The following ITPR2 variants were observed in gnomAD, a reference collection of about 807,000 sequenced individuals.
The protein encoded by ITPR2 is inositol 1,4,5-trisphosphate-gated calcium channel ITPR2.
Under a neutral mutation model 317.1 loss-of-function variants are expected in ITPR2, and 207 were observed. The observed-to-expected ratio is 0.65, with a 90% CI of 0.58 to 0.73. ITPR2 has a LOEUF of 0.73. Among genes scored for constraint, ITPR2 ranks in the 30% least tolerant of loss-of-function variants. The pLI is 0.00. For synonymous variants in ITPR2, 1,156 were observed against 1,149.1 expected (o/e 1.01, Z -0.12); for missense variants, 2,613 against 3,284.0 (o/e 0.80, Z 4.99).
intron 1 of ITPR2, among the ~76,000 whole-genome samples, chr12:26,805,014 C>T (rs1163616046): frequency 1.3e-5 from 2 of 152,142 alleles, no homozygotes; most frequent in African/African-American, 4.8e-5. Flanking sequence ...GGAATGCAGG[C>T]GTGAACCACC....
chr12:26,752,490 C>T (rs1306154203), intron 2 of ITPR2, among the ~76,000 whole-genome samples: 1 of 152,330 alleles, frequency 6.6e-6, no homozygotes, highest in Non-Finnish European at 1.5e-5. Context: ...CACTGCTATA[C>T]TTCCACCAGT....
At chr12:26,554,490 C>T (rs1011880889) in intron 36 of ITPR2, among the ~76,000 whole-genome samples, 2 of 152,180 alleles carry the variant, frequency 1.3e-5, no homozygotes, top group African/African-American at 4.8e-5. Flanking sequence ...CTAACTGATT[C>T]TGCCACAGTG....
intron 51 of ITPR2, among the ~76,000 whole-genome samples, chr12:26,413,873 C>G (rs1224537191): frequency 6.6e-6 from 1 of 152,068 alleles, no homozygotes; most frequent in Non-Finnish European, 1.5e-5. Flanking sequence ...TTAAATAGCA[C>G]AAAATATTTA....
At chr12:26,352,184 G>A (rs1338140093) in intron 55 of ITPR2, among the ~76,000 whole-genome samples, 1 of 152,224 alleles carries the variant, frequency 6.6e-6, no homozygotes, top group Non-Finnish European at 1.5e-5. Context: ...TCAGTCATAT[G>A]ACCAAAGGGC....
intron 10 of ITPR2, among the ~76,000 whole-genome samples, chr12:26,690,706 C>T (rs1948222885): frequency 6.6e-6 from 1 of 152,172 alleles, no homozygotes; most frequent in Non-Finnish European, 1.5e-5. Flanking sequence ...TAATGTCTCC[C>T]TGTAAAGGCC....
chr12:26,487,303 G>A (rs1322539110), intron 39 of ITPR2, 52 bp from the exon 40 acceptor site: 1 of 1,342,126 alleles, frequency 7.5e-7, no homozygotes, highest in African/African-American at 1.5e-5. Flanking sequence ...GACAAATGGT[G>A]TTTTTATGCT....
At chr12:26,503,486 C>A (rs1163333685) in intron 37 of ITPR2, among the ~76,000 whole-genome samples, 2 of 152,156 alleles carry the variant, frequency 1.3e-5, no homozygotes, top group African/African-American at 4.8e-5. Flanking sequence ...GAGATAATAT[C>A]TATACACACT....
chr12:26,459,987 C>T (rs2136780434), intron 45 of ITPR2, among the ~76,000 whole-genome samples: 1 of 152,346 alleles, frequency 6.6e-6, no homozygotes, highest in South Asian at 2.1e-4. Context: ...CATCTGCCAA[C>T]TAGCCAACTC....
intron 2 of ITPR2, among the ~76,000 whole-genome samples, chr12:26,731,271 T>C (rs1949024551): frequency 6.6e-6 from 1 of 152,166 alleles, no homozygotes; most frequent in Admixed American, 6.5e-5. Flanking sequence ...GGGAACATGG[T>C]TACCAAGGGC....
chr12:26,607,941 G>A (rs915350074), intron 26 of ITPR2, among the ~76,000 whole-genome samples: 2 of 151,822 alleles, frequency 1.3e-5, no homozygotes, highest in Non-Finnish European at 2.9e-5. Flanking sequence ...AAAATTAGCC[G>A]GGCGTTTCTA....
At chr12:26,527,415 C>T (rs1403977598) in intron 37 of ITPR2, among the ~76,000 whole-genome samples, 2 of 152,230 alleles carry the variant, frequency 1.3e-5, no homozygotes, top group African/African-American at 4.8e-5. Flanking sequence ...ACAAACATTA[C>T]ACCACCAATC....
rs762283207 is a variant in ITPR2, at chr12:26,483,887, C to T, written c.5823G>A (p.Arg1941=). The T allele has an allele frequency of 1.2e-6, 2 of 1,613,884 alleles. No homozygotes were observed. Among genetic ancestry groups the T allele is most frequent in the Non-Finnish European group, 1.7e-6 (2 of 1,179,846 alleles). ...TGTAATTTGTTTTGTTGTTTTGATT[C>T]CTCAAGAAGTTCTGAAGGCAAAAGA... ...NHNRELQNFL[R]NQNNKTNYNL... is the part of the protein sequence containing the mutation. Residue 1941 remains arginine, a synonymous_variant, in exon 42 of 57, where the codon AGG becomes AGA. Transcript: ENST00000381340.
chr12:26,564,070 A>G (rs1361514910), intron 34 of ITPR2, among the ~76,000 whole-genome samples: 1 of 152,234 alleles, frequency 6.6e-6, no homozygotes, highest in Non-Finnish European at 1.5e-5. Flanking sequence ...GAAGAATGAC[A>G]TCTTAGAAAT....
At chr12:26,636,505 C>G (rs1046262853) in intron 21 of ITPR2, among the ~76,000 whole-genome samples, 2 of 152,072 alleles carry the variant, frequency 1.3e-5, no homozygotes, top group African/African-American at 4.8e-5. Flanking sequence ...ACAAAATGAA[C>G]TATTAAAAAT....
Position 26,338,938 on chromosome 12 carries a change from T to C in ITPR2, c.*459A>G. ...TTTTAATCTTTTCAGTTATTTTCCT[T>C]AGTAAAACTTAGCCACCAAAGTATG... On this transcript the variant is annotated 3_prime_UTR_variant, in exon 57 of 57. Coordinates refer to ENST00000381340, the MANE Select transcript of ITPR2 (RefSeq NM_002223.4). 6.5e-6 allele frequency: 1 copy of C among 153,218 alleles called. No individual in the cohort carries two copies. The highest frequency in any genetic ancestry group is 1.5e-5 in the Non-Finnish European group (1 of 68,664). The allele number at this position is 153,218 out of a possible 1,614,324, so 9.5% of individuals were successfully genotyped here. A position where few individuals can be genotyped will look rare whatever the true frequency, so the allele number is the denominator to read the frequency against.
chr12:26,648,344 G>A (rs1324425764), intron 21 of ITPR2, among the ~76,000 whole-genome samples: 3 of 152,134 alleles, frequency 2.0e-5, no homozygotes, highest in African/African-American at 7.2e-5. Context: ...TTTTCTGCAT[G>A]TCCAACCCCA....
At chr12:26,565,855 A>G (rs1448895510) in intron 34 of ITPR2, among the ~76,000 whole-genome samples, 5 of 90,074 alleles carry the variant, frequency 5.6e-5, no homozygotes, top group African/African-American at 2.2e-4. Context: ...AGGAGAGGAG[A>G]GGAGAGGGGA....
At chr12:26,506,860 C>T (rs536663494) in intron 37 of ITPR2, among the ~76,000 whole-genome samples, 3 of 152,208 alleles carry the variant, frequency 2.0e-5, no homozygotes, top group East Asian at 3.9e-4. Flanking sequence ...CAACATAATT[C>T]CTAATATTAT....
At chr12:26,476,740 A>G (rs1942425920) in intron 44 of ITPR2, among the ~76,000 whole-genome samples, 172 bp downstream of exon 44, 2 of 152,228 alleles carry the variant, frequency 1.3e-5, no homozygotes, top group Admixed American at 1.3e-4. Context: ...CAAATCACAC[A>G]GGCCTTTGTC....
Sources: allele counts gnomAD v4.1 joint callset (sites outside exome capture counted in the v4.1 genomes callset), GRCh38; gene constraint gnomAD v4.1.1; transcripts MANE v1.5; gene names NCBI Gene and HGNC (gene_info 2026-07-23, HGNC 2026-07-21).